MED9: variants seen among roughly 807,000 people sequenced by gnomAD.
The protein encoded by MED9 is mediator complex subunit 9.
In MED9, 8 loss-of-function variants were observed where a neutral mutation model predicts 13.2. The observed-to-expected ratio is 0.61, with a 90% CI of 0.36 to 1.10. The LOEUF (loss-of-function observed/expected upper bound fraction) is 1.10, where lower values mean the gene tolerates loss of function less well. MED9 is among the 50% of genes least tolerant of loss of function. The probability of loss-of-function intolerance (pLI) is 0.02; values close to 1 mark genes in which losing one functional copy is unlikely to be tolerated. For synonymous variants in MED9, 87 were observed against 82.8 expected, an observed-to-expected ratio of 1.05 and a Z score of -0.28; for missense variants, 180 against 193.4, an observed-to-expected ratio of 0.93 and a Z score of 0.41.
At position 17,492,202 on chromosome 17, in the gene MED9, C is replaced by A. The variant is rs1007883909; in HGVS notation, c.*707C>A. 1 of 153,716 alleles carries A rather than the reference C, an allele frequency of 6.5e-6. No homozygotes were observed. Among genetic ancestry groups the A allele is most frequent in the Admixed American group, 6.5e-5 (1 of 15,458 alleles). 9.5% of individuals were successfully genotyped at this position (153,716 alleles called of 1,614,324 possible). ...CCTCGCCTTCAGCTCTTGCTCCCTTCCTCGTTCATCACCCTCAGTCAGTGC... is the reference window on the plus strand; with the variant it reads ...CCTCGCCTTCAGCTCTTGCTCCCTTACTCGTTCATCACCCTCAGTCAGTGC... On this transcript the variant is annotated 3_prime_UTR_variant, in exon 2 of 2. Coordinates refer to ENST00000268711, the MANE Select transcript of MED9 (RefSeq NM_018019.3).
intron 1 of MED9, among the ~76,000 whole-genome samples, chr17:17,488,814 C>T (rs1304128398): frequency 1.3e-5 from 2 of 151,106 alleles, no homozygotes; most frequent in Non-Finnish European, 2.9e-5. Context: ...GCCTGGGCAA[C>T]GAGTAAAACT....
At chr17:17,486,595 C>T (rs1251547474) in intron 1 of MED9, 1 of 156,086 alleles carries the variant, frequency 6.4e-6, no homozygotes, top group Non-Finnish European at 1.4e-5. Context: ...TCCCGCGCAG[C>T]AGGGCTCGGG....
intron 1 of MED9, chr17:17,486,991 C>A (rs1422449409): frequency 6.6e-6 from 1 of 152,000 alleles, no homozygotes; most frequent in African/African-American, 2.4e-5. Context: ...TGTAAATACA[C>A]CAATCGGCAC....
chr17:17,489,469 C>A (rs956914078), intron 1 of MED9, among the ~76,000 whole-genome samples: 1 of 152,176 alleles, frequency 6.6e-6, no homozygotes, highest in Admixed American at 6.5e-5. Context: ...TCCTTTGAGA[C>A]TCATGTGAGT....
At chr17:17,479,804 A>G (rs950109998) in intron 1 of MED9, among the ~76,000 whole-genome samples, 1 of 152,164 alleles carries the variant, frequency 6.6e-6, no homozygotes, top group Non-Finnish European at 1.5e-5. Flanking sequence ...CCCTGTGTCA[A>G]AAATAAAAAG....
At chr17:17,489,699 T>G (rs1905196791) in intron 1 of MED9, among the ~76,000 whole-genome samples, 1 of 152,236 alleles carries the variant, frequency 6.6e-6, no homozygotes, top group Non-Finnish European at 1.5e-5. Flanking sequence ...GAATACCAGT[T>G]CATCCTCTCT....
chr17:17,480,980 G>A (rs143572067), intron 1 of MED9, among the ~76,000 whole-genome samples: 3 of 152,322 alleles, frequency 2.0e-5, no homozygotes, highest in African/African-American at 7.2e-5. Flanking sequence ...AGGAATGTTG[G>A]TATAGGAAAA....
In MED9 at chr17:17,491,285, C is replaced by T. The variant is rs762335285; in HGVS notation, c.231C>T (p.Asp77=). 6.2e-7 allele frequency: 1 copy of T among 1,613,026 alleles called. No individual in the cohort carries two copies. Among genetic ancestry groups the T allele is most frequent in the Non-Finnish European group, 8.5e-7 (1 of 1,179,788 alleles). Reference sequence around the variant, plus strand: ...AGCTGTTCTTCCCCCACAGCATGGACAAGGACAGCCCGGAGGTCCACCAGG... The same window carrying T: ...AGCTGTTCTTCCCCCACAGCATGGATAAGGACAGCCCGGAGGTCCACCAGG... The part of the protein sequence containing the change: ...PLVHNIIKCM[D]KDSPEVHQDL... Residue 77 remains aspartate (D), a synonymous_variant, in exon 2 of 2, where the codon GAC becomes GAT. Transcript: ENST00000268711.
chr17:17,487,150 G>T, intron 1 of MED9: 1 of 152,430 alleles, frequency 6.6e-6, no homozygotes, highest in Middle Eastern at 3.4e-3. Flanking sequence ...TAACTAATCT[G>T]ATGGGGACGG....
intron 1 of MED9, among the ~76,000 whole-genome samples, chr17:17,481,220 C>T (rs190729370): frequency 1.9e-4 from 29 of 152,252 alleles, no homozygotes; most frequent in African/African-American, 2.9e-4. Context: ...GGACCATGTC[C>T]GGTCCACCCA....
rs28653444 is a variant in MED9 at position 17,493,007 on chromosome 17, A to G, written c.*1512A>G. ...AGTTATTTCCTTGAAATTTCACAGTAGTGGGTGGGCCTGTTTTAAGGCTCT... is the reference window on the plus strand; with the variant it reads ...AGTTATTTCCTTGAAATTTCACAGTGGTGGGTGGGCCTGTTTTAAGGCTCT... On this transcript the variant is annotated 3_prime_UTR_variant, in exon 2 of 2. Transcript: ENST00000268711. The G allele has an allele frequency of 1.1e-3, 162 of 152,310 alleles. No individual in the cohort carries two copies. The highest frequency in any genetic ancestry group is 3.8e-3 in the African/African-American group (160 of 41,560). The allele number at this position is 152,310 out of a possible 1,614,324, so 9.4% of individuals were successfully genotyped here. A position where few individuals can be genotyped will look rare whatever the true frequency, so the allele number is the denominator to read the frequency against.
chr17:17,481,943 A>G (rs1905039678), intron 1 of MED9, among the ~76,000 whole-genome samples: 3 of 152,344 alleles, frequency 2.0e-5, no homozygotes, highest in South Asian at 4.1e-4. Context: ...TTAACCTAAA[A>G]TGGCCTATAA....
At chr17:17,490,817 G>T (rs1316905617) in intron 1 of MED9, among the ~76,000 whole-genome samples, 1 of 152,210 alleles carries the variant, frequency 6.6e-6, no homozygotes, top group East Asian at 1.9e-4. Flanking sequence ...TAGACAAAAT[G>T]TCGTATTTCA....
At chr17:17,487,060 G>C (rs914513867) in intron 1 of MED9, 2 of 152,218 alleles carry the variant, frequency 1.3e-5, no homozygotes, top group Non-Finnish European at 2.9e-5. Context: ...TTAGCTCAAG[G>C]TTTGTGAATG....
chr17:17,489,439 T>G (rs1315650189), intron 1 of MED9, among the ~76,000 whole-genome samples: 2 of 152,222 alleles, frequency 1.3e-5, no homozygotes, highest in Non-Finnish European at 2.9e-5. Context: ...TTTAAGTACT[T>G]TTTTGTTTGT....
rs934349800 is a variant in MED9 at position 17,493,096 on chromosome 17, A to G, written c.*1601A>G. On this transcript the variant is annotated 3_prime_UTR_variant, in exon 2 of 2. Coordinates refer to ENST00000268711, the MANE Select transcript of MED9 (RefSeq NM_018019.3). ...GACCCCCGGGGTCTTTCTGAGTGCA[A>G]GGCTGAAATGGACAAGGGCTCCTCA... 6.6e-6 allele frequency: 1 copy of G among 152,202 alleles called. No homozygotes were observed. The highest frequency in any genetic ancestry group is 1.5e-5 in the Non-Finnish European group (1 of 68,020). The allele number at this position is 152,202 out of a possible 1,614,324, so 9.4% of individuals were successfully genotyped here.
At chr17:17,486,573 C>G (rs1054185778) in intron 1 of MED9, 3 of 155,618 alleles carry the variant, frequency 1.9e-5, no homozygotes, top group African/African-American at 7.2e-5. Flanking sequence ...TCTCGCCAGG[C>G]CTTAGCTGCC....
At position 17,492,301 on chromosome 17, in the gene MED9, G is replaced by T. The variant is rs1360745620; in HGVS notation, c.*806G>T. The T allele has an allele frequency of 6.6e-6, 1 of 152,372 alleles. No individual in the cohort carries two copies. The highest frequency in any genetic ancestry group is 2.1e-4 in the South Asian group (1 of 4,832). 9.4% of individuals were successfully genotyped at this position (152,372 alleles called of 1,614,324 possible). On this transcript the variant is annotated 3_prime_UTR_variant, in exon 2 of 2. Transcript: ENST00000268711. ...ACAAGGGGCCGTCCTTTCCACACAG[G>T]CCAGAAGAGGTCTTCAGGCGAACCG...
rs777234453 is a variant in MED9 at position 17,492,970 on chromosome 17, T to C, written c.*1475T>C. On this transcript the variant is annotated 3_prime_UTR_variant, in exon 2 of 2. Coordinates refer to ENST00000268711, the MANE Select transcript of MED9 (RefSeq NM_018019.3). ...GACCAGGTCTACCTTGGGACTGTTA[T>C]TTAACTGAATCAGTTATTTCCTTGA... 8 of 152,234 alleles carry C rather than the reference T, an allele frequency of 5.3e-5. No individual in the cohort carries two copies. Among genetic ancestry groups the C allele is most frequent in the Middle Eastern group, 3.2e-3 (1 of 316 alleles). 9.4% of individuals were successfully genotyped at this position (152,234 alleles called of 1,614,324 possible).
Sources: allele counts gnomAD v4.1 joint callset (sites outside exome capture counted in the v4.1 genomes callset), GRCh38; gene constraint gnomAD v4.1.1; transcripts MANE v1.5; gene names NCBI Gene and HGNC (gene_info 2026-07-23, HGNC 2026-07-21).